The following ANKRD44 variants were observed in gnomAD, a reference collection of about 807,000 sequenced individuals.
The protein encoded by ANKRD44 is ankyrin repeat domain 44, also known as serine/threonine-protein phosphatase 6 regulatory ankyrin repeat subunit B.
ANKRD44 carries 35 observed loss-of-function variants against 116.0 expected under a neutral mutation model. The observed-to-expected ratio is 0.30, with a 90% confidence interval of 0.23 to 0.40. The LOEUF is 0.40. Ranked by LOEUF, ANKRD44 falls within the 10% of genes least tolerant of loss-of-function variation. The probability of loss-of-function intolerance (pLI) is 1.00; values close to 1 mark genes in which losing one functional copy is unlikely to be tolerated. For missense variants in ANKRD44, 1,014 were observed against 1,242.6 expected (o/e 0.82, Z 2.77); for synonymous variants, 435 against 461.8 (o/e 0.94, Z 0.74).
intron 2 of ANKRD44, among the ~76,000 whole-genome samples, chr2:197,160,986 T>C (rs1377026415): frequency 2.0e-5 from 3 of 152,078 alleles, no homozygotes; most frequent in African/African-American, 7.2e-5. Context: ...ACAGACTCAT[T>C]ACAGGTCCTC....
intron 16 of ANKRD44, among the ~76,000 whole-genome samples, chr2:197,058,742 C>T (rs1283339245): frequency 6.6e-6 from 1 of 152,186 alleles, no homozygotes; most frequent in Non-Finnish European, 1.5e-5. Flanking sequence ...TGCCCATTAT[C>T]CACATTTGTT....
At chr2:197,139,848 TTGTGTGTG>T (rs71012957) in intron 3 of ANKRD44, among the ~76,000 whole-genome samples, 9,735 of 131,508 alleles carry the variant, frequency 0.074, 483 homozygotes, top group African/African-American at 0.14. Flanking sequence ...TAAGCTGCTT[TTGTGTGTG>T]TGTGTGTGTG....
chr2:196,968,848 C>G (rs182344906), intron 21 of ANKRD44, among the ~76,000 whole-genome samples: 127 of 152,296 alleles, frequency 8.3e-4, no homozygotes, highest in Middle Eastern at 3.4e-3. Context: ...TTCACGCAGG[C>G]CCCCCTGTCT....
In ANKRD44 at chr2:197,269,383, T is replaced by C. The variant is rs1236514085; in HGVS notation, c.27+41195A>G. 3.3e-5 allele frequency among the ~76,000 whole-genome samples: 5 copies of C among 152,328 alleles called. No individual in the cohort carries two copies. The East Asian group carries it at 9.6e-4, about 29-fold the overall frequency. ...AGGCTGTTGCCTTGGAAACGGGAGC[T>C]GTAACTACTGCAATCACACCTCAGG... is the stretch of plus-strand genomic sequence containing the variant. On this transcript the variant is annotated intron_variant, in intron 1 of 27. Transcript: ENST00000282272.
intron 1 of ANKRD44, among the ~76,000 whole-genome samples, chr2:197,238,894 G>A (rs531505944): frequency 2.6e-5 from 4 of 152,120 alleles, no homozygotes; most frequent in South Asian, 2.1e-4. Context: ...CAGTAGAGAC[G>A]GGGTTTCGCC....
intron 1 of ANKRD44, among the ~76,000 whole-genome samples, chr2:197,288,956 G>C (rs2083483503): frequency 6.6e-6 from 1 of 152,166 alleles, no homozygotes; most frequent in Non-Finnish European, 1.5e-5. Flanking sequence ...CTAACATACA[G>C]TTTAGGTAGA....
chr2:197,280,876 A>G (rs535235518), intron 1 of ANKRD44, among the ~76,000 whole-genome samples: 5 of 152,312 alleles, frequency 3.3e-5, no homozygotes, highest in African/African-American at 1.2e-4. Context: ...AACCTCTCCA[A>G]CTAAGATGTT....
At chr2:196,973,277 A>G (rs1030036992) in intron 21 of ANKRD44, among the ~76,000 whole-genome samples, 1 of 151,564 alleles carries the variant, frequency 6.6e-6, no homozygotes, top group African/African-American at 2.4e-5. Flanking sequence ...CCTATTTTTA[A>G]AATTGTGTTT....
intron 21 of ANKRD44, among the ~76,000 whole-genome samples, chr2:196,969,282 G>A (rs1277588617): frequency 5.9e-5 from 9 of 152,048 alleles, no homozygotes; most frequent in Non-Finnish European, 1.0e-4. Context: ...TTTGATTACC[G>A]AGAGGTTCTC....
At chr2:197,135,469 T>C (rs900754821) in intron 4 of ANKRD44, 1 of 152,338 alleles carries the variant, frequency 6.6e-6, no homozygotes, top group African/African-American at 2.4e-5. Flanking sequence ...GATCTTCTCA[T>C]CCTTTATACT....
chr2:197,192,113 A>T (rs2080838444), intron 1 of ANKRD44, among the ~76,000 whole-genome samples: 1 of 152,128 alleles, frequency 6.6e-6, no homozygotes, highest in South Asian at 2.1e-4. Context: ...AAAATCCCCT[A>T]ATGAAACCAC....
Position 197,026,626 on chromosome 2 carries a change from G to A in ANKRD44, c.1651-1359C>T, listed in dbSNP as rs75805748. Among the ~76,000 whole-genome samples, 681 of 152,288 alleles carry A rather than the reference G, an allele frequency of 4.5e-3. 6 individuals carry two copies. The highest frequency in any genetic ancestry group is 0.016 in the African/African-American group (652 of 41,566). ...GGGGGTGGGCATGTCAAAGAAAGCC[G>A]TGTAGGCTGTTGTCAGAATTTTGAC... On this transcript the variant is annotated intron_variant, in intron 16 of 27. Transcript: ENST00000282272.
rs150044933 is a variant in ANKRD44 at position 197,152,934 on chromosome 2, G to T, written c.112-5829C>A. ...CCTATGAAATACAGAAGTTAAGTTT[G>T]GGCCGGACGTGGTGGCTCATGCATG... On this transcript the variant is annotated intron_variant, in intron 2 of 27. Coordinates refer to ENST00000282272, the MANE Select transcript of ANKRD44 (RefSeq NM_001195144.2). Among the ~76,000 whole-genome samples, 304 of 152,236 alleles carry T rather than the reference G, an allele frequency of 2.0e-3. 3 individuals are homozygous for T. The highest frequency in any genetic ancestry group is 6.8e-3 in the African/African-American group (283 of 41,554).
chr2:197,056,856 A>G (rs1372781472), intron 16 of ANKRD44, among the ~76,000 whole-genome samples: 1 of 152,210 alleles, frequency 6.6e-6, no homozygotes, highest in African/African-American at 2.4e-5. Flanking sequence ...TATGCATATT[A>G]AATTAACCTA....
At chr2:197,100,635 T>C (rs2078271219) in intron 9 of ANKRD44, among the ~76,000 whole-genome samples, 4 of 152,190 alleles carry the variant, frequency 2.6e-5, no homozygotes, top group Admixed American at 6.5e-5. Flanking sequence ...AACCTTGTGC[T>C]AAAACATAAG....
At chr2:197,254,838 G>A (rs1266567463) in intron 1 of ANKRD44, among the ~76,000 whole-genome samples, 5 of 152,116 alleles carry the variant, frequency 3.3e-5, no homozygotes, top group African/African-American at 4.8e-5. Context: ...TACTCTAGGC[G>A]TATGTACTAG....
chr2:197,268,985 G>A (rs1199984226), intron 1 of ANKRD44, among the ~76,000 whole-genome samples: 3 of 152,082 alleles, frequency 2.0e-5, no homozygotes, highest in South Asian at 2.1e-4. Context: ...CTGGTTTGGG[G>A]AAAAATATGA....
chr2:197,193,729 A>G (rs953824230), intron 1 of ANKRD44, among the ~76,000 whole-genome samples: 26 of 151,880 alleles, frequency 1.7e-4, no homozygotes, highest in Non-Finnish European at 3.4e-4. Flanking sequence ...AATACAAAAA[A>G]AACTTAGCCG....
At position 196,989,543 on chromosome 2, in the gene ANKRD44, C is replaced by G. The variant is rs774308266; in HGVS notation, c.*48G>C. On this transcript the variant is annotated 3_prime_UTR_variant, in exon 28 of 28. Coordinates refer to ENST00000282272, the MANE Select transcript of ANKRD44 (RefSeq NM_001195144.2). ...ACACACATATATATATATATACACACGCACACATATATGTGTGCATGTGTA... is the reference window on the plus strand; with the variant it reads ...ACACACATATATATATATATACACAGGCACACATATATGTGTGCATGTGTA... The G allele has an allele frequency of 1.3e-6, 2 of 1,540,254 alleles. No homozygotes were observed. The highest frequency in any genetic ancestry group is 2.0e-5 in the Admixed American group (1 of 50,412).
Sources: allele counts gnomAD v4.1 joint callset (sites outside exome capture counted in the v4.1 genomes callset), GRCh38; gene constraint gnomAD v4.1.1; transcripts MANE v1.5; gene names NCBI Gene and HGNC (gene_info 2026-07-23, HGNC 2026-07-21).